NR2E3: variants seen among roughly 807,000 people sequenced by gnomAD.
NR2E3 encodes the protein nuclear receptor subfamily 2 group E member 3, also known as photoreceptor-specific nuclear receptor.
NR2E3 carries 38 observed loss-of-function variants against 37.6 expected under a neutral mutation model. That is an observed-to-expected ratio of 1.01 (90% CI 0.78 to 1.33). The LOEUF (loss-of-function observed/expected upper bound fraction) is 1.33, where lower values mean the gene tolerates loss of function less well. NR2E3 is among the 40% of genes most tolerant of loss of function. NR2E3 has a pLI of 0.00. For synonymous variants in NR2E3, 235 were observed against 225.1 expected (o/e 1.04, Z -0.39); for missense variants, 562 against 558.7 (o/e 1.01, Z -0.06).
Position 71,811,626 on chromosome 15 carries a change from C to T in NR2E3, c.245+17C>T. On this transcript the variant is annotated intron_variant, in intron 2 of 7. Coordinates refer to ENST00000617575, the MANE Select transcript of NR2E3 (RefSeq NM_014249.4). The surrounding 1 kb of genome is among the most constrained non-coding windows in gnomAD (Gnocchi z 5.6). Reference sequence around the variant, plus strand: ...CATCTACAGGTGAGTGCGGTGGGCCCTGCTGGGCGTCTGCCCCTGAGGGGT... The same window carrying T: ...CATCTACAGGTGAGTGCGGTGGGCCTTGCTGGGCGTCTGCCCCTGAGGGGT... 6.2e-7 allele frequency: 1 copy of T among 1,600,392 alleles called. No homozygotes were observed. The highest frequency in any genetic ancestry group is 2.3e-5 in the East Asian group (1 of 44,192).
Position 71,813,571 on chromosome 15 carries a change from C to G in NR2E3, c.930C>G (p.Phe310Leu). 6.2e-7 allele frequency: 1 copy of G among 1,613,960 alleles called. No individual in the cohort carries two copies. The highest frequency in any genetic ancestry group is 1.3e-5 in the African/African-American group (1 of 75,072). The change falls in exon 6 of 8, where the codon TTC (phenylalanine) becomes TTG (leucine). Residue 310 changes from phenylalanine (F) to leucine (L), a missense_variant. Physicochemically the swap from Phe to Leu is conservative, Grantham distance 22. Coordinates refer to ENST00000617575, the MANE Select transcript of NR2E3 (RefSeq NM_014249.4). This position sits in a 1 kb window ranked among gnomAD's most constrained non-coding sequence, Gnocchi z 4.7. ...TCCTGCAGGAAACTATCTCTCGGTT[C>G]CGGGCATTGGCGGTGGACCCCACGG... Reference protein sequence around the residue: ...TRVLQETISRFRALAVDPTEF... With the variant: ...TRVLQETISRLRALAVDPTEF...
At position 71,811,915 on chromosome 15, in the gene NR2E3, CG is replaced by C. The variant is rs774141143; in HGVS notation, c.350-37del. The C allele has an allele frequency of 3.9e-6, 6 of 1,548,690 alleles. No individual in the cohort carries two copies. The South Asian group carries it at 7.1e-5, about 18-fold the overall frequency. On this transcript the variant is annotated intron_variant, in intron 3 of 7. Coordinates refer to ENST00000617575, the MANE Select transcript of NR2E3 (RefSeq NM_014249.4). The surrounding 1 kb of genome is among the most constrained non-coding windows in gnomAD (Gnocchi z 5.6). ...GGGGGAGGTGACAAGAAATGGGCAG[CG>C]GGACTGGCGTGTCGTCCTGACCCTT...
chr15:71,811,471 C>G lies in NR2E3; in HGVS notation c.119-12C>G. 6.4e-7 allele frequency: 1 copy of G among 1,553,566 alleles called. No individual in the cohort carries two copies. The highest frequency in any genetic ancestry group is 8.7e-7 in the Non-Finnish European group (1 of 1,149,090). On this transcript the variant is annotated splice_polypyrimidine_tract_variant and intron_variant, in intron 1 of 7. Coordinates refer to ENST00000617575, the MANE Select transcript of NR2E3 (RefSeq NM_014249.4). This position sits in a 1 kb window ranked among gnomAD's most constrained non-coding sequence, Gnocchi z 5.6. ...GCCCTGCCCTGGCCCAGCCCTGCCC[C>G]CTGCCCCTCAGGCGTGAGCCCCTCG...
chr15:71,810,732 G>A lies in NR2E3; in HGVS notation c.-12G>A, dbSNP rs551839789. The A allele has an allele frequency of 2.9e-5, 46 of 1,559,970 alleles. No homozygotes were observed. In the East Asian group the frequency reaches 3.4e-4, roughly 11 times the overall value. On this transcript the variant is annotated 5_prime_UTR_variant, in exon 1 of 8. Transcript: ENST00000617575. ...GGCCTCCCGCAGGCAGGCAGAGGCT[G>A]CCCTGTAACCCATGGAGACCAGACC... is the stretch of plus-strand genomic sequence containing the variant.
chr15:71,815,434 A>C (rs191369406), intron 7 of NR2E3, among the ~76,000 whole-genome samples: 1 of 152,358 alleles, frequency 6.6e-6, no homozygotes, highest in East Asian at 1.9e-4. Flanking sequence ...GCTACTACTA[A>C]GACTTGACTT....
At chr15:71,816,823 C>T (rs971181233) in intron 7 of NR2E3, among the ~76,000 whole-genome samples, 2 of 151,984 alleles carry the variant, frequency 1.3e-5, no homozygotes, top group Admixed American at 1.3e-4. Flanking sequence ...TGGATAAACC[C>T]ATTGTTAAGT....
Position 71,811,685 on chromosome 15 carries a change from G to A in NR2E3, c.245+76G>A, listed in dbSNP as rs2054182293. The A allele has an allele frequency of 6.4e-7, 1 of 1,558,782 alleles. No individual in the cohort carries two copies. The highest frequency in any genetic ancestry group is 8.7e-7 in the Non-Finnish European group (1 of 1,149,858). On this transcript the variant is annotated intron_variant, in intron 2 of 7. Coordinates refer to ENST00000617575, the MANE Select transcript of NR2E3 (RefSeq NM_014249.4). The surrounding 1 kb of genome is among the most constrained non-coding windows in gnomAD (Gnocchi z 5.6). ...GGTGAGGGGGTGCTCAGGGGAAGAGGGGCTTGGGCAAAAATGTCCAAGCCC... is the reference window on the plus strand; with the variant it reads ...GGTGAGGGGGTGCTCAGGGGAAGAGAGGCTTGGGCAAAAATGTCCAAGCCC...
At position 71,814,678 on chromosome 15, in the gene NR2E3, A is replaced by G. The variant is rs12050537; in HGVS notation, c.1100+561A>G. ...AAAGGCCACGTCTGACTTGGGAGGC[A>G]GAGGGCAGCTACTGCAGGTTTCCGA... On this transcript the variant is annotated intron_variant, in intron 7 of 7. Transcript: ENST00000617575. 75 of 986,366 alleles carry G rather than the reference A, an allele frequency of 7.6e-5. No homozygotes were observed. In the East Asian group the frequency reaches 6.3e-3, roughly 83 times the overall value. 61.1% of individuals were successfully genotyped at this position (986,366 alleles called of 1,614,324 possible).
At position 71,817,578 on chromosome 15, in the gene NR2E3, C is replaced by G; in HGVS notation, c.1127C>G (p.Pro376Arg). 4 of 1,599,380 alleles carry G rather than the reference C, an allele frequency of 2.5e-6. No homozygotes were observed. The highest frequency in any genetic ancestry group is 3.4e-6 in the Non-Finnish European group (4 of 1,168,132). Residue 376 changes from proline to arginine, a missense_variant, in exon 8 of 8, where the codon CCG (proline) becomes CGG (arginine). By Grantham distance (103) the Pro-to-Arg change is moderately radical (BLOSUM62 -2). Transcript: ENST00000617575. ...TTTGGGAAATTGCTCCTGCTCCTCC[C>G]GTCTTTGAGGTTTATCACTGCGGAA... ...VRFGKLLLLL[P>R]SLRFITAERI... is the part of the protein sequence containing the mutation.
Position 71,811,352 on chromosome 15 carries a change from C to A in NR2E3, c.119-131C>A. 1.3e-6 allele frequency: 1 copy of A among 763,764 alleles called. No individual in the cohort carries two copies. The highest frequency in any genetic ancestry group is 2.1e-6 in the Non-Finnish European group (1 of 472,166). The allele number at this position is 763,764 out of a possible 1,614,324, so 47.3% of individuals were successfully genotyped here. Reference sequence around the variant, plus strand: ...GACACTTCTCCAGATGGAAGAGTCACGCGTGGGTTCGTTCAAATGCGGGTG... The same window carrying A: ...GACACTTCTCCAGATGGAAGAGTCAAGCGTGGGTTCGTTCAAATGCGGGTG... On this transcript the variant is annotated intron_variant, in intron 1 of 7. Coordinates refer to ENST00000617575, the MANE Select transcript of NR2E3 (RefSeq NM_014249.4). The surrounding 1 kb of genome is among the most constrained non-coding windows in gnomAD (Gnocchi z 5.6).
Position 71,813,513 on chromosome 15 carries a change from G to T in NR2E3, c.872G>T (p.Gly291Val). 1 of 1,613,154 alleles carries T rather than the reference G, an allele frequency of 6.2e-7. No individual in the cohort carries two copies. Among genetic ancestry groups the T allele is most frequent in the Non-Finnish European group, 8.5e-7 (1 of 1,179,604 alleles). The change falls in exon 6 of 8, where the codon GGC becomes GTC. Residue 291 changes from glycine to valine, a missense_variant. By Grantham distance (109) the Gly-to-Val change is moderately radical. Transcript: ENST00000617575. The surrounding 1 kb of genome is among the most constrained non-coding windows in gnomAD (Gnocchi z 4.7). ...PEASAAGGAQGRLTLASMETR... is the reference protein window; with the variant it reads ...PEASAAGGAQVRLTLASMETR... ...GCCTCTGCTGCCGGTGGTGCCCAGGGCCGGCTCACGCTGGCCAGCATGGAG... is the reference window on the plus strand; with the variant it reads ...GCCTCTGCTGCCGGTGGTGCCCAGGTCCGGCTCACGCTGGCCAGCATGGAG...
Position 71,813,724 on chromosome 15 carries a change from G to A in NR2E3, c.994+89G>A. On this transcript the variant is annotated intron_variant, in intron 6 of 7. Transcript: ENST00000617575. This position sits in a 1 kb window ranked among gnomAD's most constrained non-coding sequence, Gnocchi z 4.7. ...TCCCTCCACTACCCCCATGTGTGCA[G>A]ATGTGTGTAGGCCTCTATCCTGGGG... 6.3e-7 allele frequency: 1 copy of A among 1,583,842 alleles called. No homozygotes were observed. Among genetic ancestry groups the A allele is most frequent in the Non-Finnish European group, 8.6e-7 (1 of 1,163,980 alleles).
In NR2E3 at chr15:71,813,785, C is replaced by T; in HGVS notation, c.994+150C>T. On this transcript the variant is annotated intron_variant, in intron 6 of 7. Transcript: ENST00000617575. This position sits in a 1 kb window ranked among gnomAD's most constrained non-coding sequence, Gnocchi z 4.7. ...GAGTGGTGAGGCTGGACTCCCTTCT[C>T]CTTGGGGCCACTCCTGGTTGACTGT... is the stretch of plus-strand genomic sequence containing the variant. The T allele has an allele frequency of 6.8e-7, 1 of 1,464,682 alleles. No homozygotes were observed. The highest frequency in any genetic ancestry group is 9.3e-7 in the Non-Finnish European group (1 of 1,077,636). The allele number at this position is 1,464,682 out of a possible 1,614,324, so 90.7% of individuals were successfully genotyped here.
chr15:71,810,999 C>T, intron 1 of NR2E3, 138 bp downstream of exon 1: 2 of 816,302 alleles, frequency 2.5e-6, no homozygotes, highest in African/African-American at 3.5e-5. Flanking sequence ...GTGGGGTAGC[C>T]TGTGGGTAAA....
At chr15:71,814,149 G>T in intron 7 of NR2E3, 32 bp downstream of exon 7, 1 of 1,595,650 alleles carries the variant, frequency 6.3e-7, no homozygotes. Context: ...CCACTCATCT[G>T]TCCCTGACCT....
In NR2E3 at chr15:71,810,752, C is replaced by A; in HGVS notation, c.9C>A (p.Thr3=). The change falls in exon 1 of 8, where the codon ACC becomes ACA. Residue 3 remains threonine (T), a synonymous_variant. Transcript: ENST00000617575. The part of the protein sequence containing the change: ME[T]RPTALMSSTV... ...AGGCTGCCCTGTAACCCATGGAGAC[C>A]AGACCAACAGCTCTGATGAGCTCCA... is the stretch of plus-strand genomic sequence containing the variant. The A allele has an allele frequency of 6.4e-7, 1 of 1,569,698 alleles. No individual in the cohort carries two copies. The highest frequency in any genetic ancestry group is 1.2e-5 in the South Asian group (1 of 85,092).
At position 71,812,407 on chromosome 15, in the gene NR2E3, T is replaced by C. The variant is rs1190907688; in HGVS notation, c.643T>C (p.Cys215Arg). Reference protein sequence around the residue: ...PSSPYSSSSPCGLDSIHETSA... With the variant: ...PSSPYSSSSPRGLDSIHETSA... ...CTCTCCATACTCCTCTTCCTCCCCC[T>C]GCGGCCTGGACAGCATCCATGAGAC... The change falls in exon 5 of 8, where the codon TGC becomes CGC. Residue 215 changes from cysteine (C) to arginine (R), a missense_variant. Physicochemically the swap from Cys to Arg is radical, Grantham distance 180. Transcript: ENST00000617575. The C allele has an allele frequency of 1.2e-6, 2 of 1,613,880 alleles. No homozygotes were observed. The highest frequency in any genetic ancestry group is 2.2e-5 in the East Asian group (1 of 44,856).
rs1349691069 is a variant in NR2E3, at chr15:71,811,029, G to A, written c.118+168G>A. ...GGTAAACCCAGAATCCTAGAAACAC[G>A]GTGGGGCGGGGATGGGGGTTGGGGG... is the stretch of plus-strand genomic sequence containing the variant. On this transcript the variant is annotated intron_variant, in intron 1 of 7. Transcript: ENST00000617575. This position sits in a 1 kb window ranked among gnomAD's most constrained non-coding sequence, Gnocchi z 5.6. 1.3e-5 allele frequency among the ~76,000 whole-genome samples: 2 copies of A among 152,206 alleles called. No homozygotes were observed. The highest frequency in any genetic ancestry group is 6.5e-5 in the Admixed American group (1 of 15,286).
In NR2E3 at chr15:71,811,760, CT is replaced by C. The variant is rs1422748815; in HGVS notation, c.246-5del. 6.5e-7 allele frequency: 1 copy of C among 1,550,206 alleles called. No individual in the cohort carries two copies. Among genetic ancestry groups the C allele is most frequent in the Admixed American group, 2.0e-5 (1 of 50,966 alleles). On this transcript the variant is annotated splice_polypyrimidine_tract_variant and splice_region_variant and intron_variant, in intron 2 of 7. Coordinates refer to ENST00000617575, the MANE Select transcript of NR2E3 (RefSeq NM_014249.4). The surrounding 1 kb of genome is among the most constrained non-coding windows in gnomAD (Gnocchi z 5.6). ...CTGACCCCTGGGGTCTCCTCTTCACCTGCAGGTGCCAGGTGGGGGCAGGGAT... is the reference window on the plus strand; with the variant it reads ...CTGACCCCTGGGGTCTCCTCTTCACCGCAGGTGCCAGGTGGGGGCAGGGAT...
Sources: gnomAD v4.1 joint callset for allele counts (sites outside exome capture counted in the v4.1 genomes callset) on GRCh38, gnomAD v4.1.1 for gene constraint, Gnocchi (gnomAD v3.1) non-coding constraint, MANE v1.5 for transcripts, NCBI Gene and HGNC (gene_info 2026-07-23, HGNC 2026-07-21) for gene names.